Variants in CROCC observed in about 807,000 individuals in gnomAD.
CROCC encodes the protein ciliary rootlet coiled-coil, rootletin.
CROCC carries 180 observed loss-of-function variants against 245.2 expected under a neutral mutation model. The observed-to-expected ratio is 0.73, with a 90% confidence interval of 0.65 to 0.83. CROCC has a LOEUF of 0.83. Ranked by LOEUF, CROCC falls within the 40% of genes least tolerant of loss-of-function variation. The probability of loss-of-function intolerance (pLI) is 0.00; values close to 1 mark genes in which losing one functional copy is unlikely to be tolerated. For synonymous variants in CROCC, 1,205 were observed against 1,241.6 expected (o/e 0.97, Z 0.62); for missense variants, 2,688 against 2,779.4 (o/e 0.97, Z 0.74).
chr1:16,943,740 G>C (rs569585931), intron 13 of CROCC, among the ~76,000 whole-genome samples: 3 of 152,264 alleles, frequency 2.0e-5, no homozygotes, highest in Admixed American at 2.0e-4. Flanking sequence ...GAATTGAGGG[G>C]CATGGGGTGT....
rs542063549 is a variant in CROCC at position 16,955,400 on chromosome 1, G to A, written c.3554G>A (p.Arg1185His). 26 of 1,604,476 alleles carry A rather than the reference G, an allele frequency of 1.6e-5. No homozygotes were observed. The highest frequency in any genetic ancestry group is 1.3e-4 in the Admixed American group (8 of 59,676). ...RELLEAQRKL[R>H]ESQEGREVQR... Reference sequence around the variant, plus strand: ...CTGCTGGAGGCCCAGCGCAAGCTGCGTGAGAGCCAGGAGGGCCGGGAGGTG... The same window carrying A: ...CTGCTGGAGGCCCAGCGCAAGCTGCATGAGAGCCAGGAGGGCCGGGAGGTG... Residue 1185 changes from arginine (R) to histidine (H), a missense_variant, in exon 24 of 37, where the codon CGT (arginine) becomes CAT (histidine). By Grantham distance (29) the Arg-to-His change is conservative (BLOSUM62 0). Around this residue, in one of 9 missense-constraint regions of CROCC, gnomAD observed 1,218 missense variants for 1,286.3 expected, o/e 0.95. Coordinates refer to ENST00000375541, the MANE Select transcript of CROCC (RefSeq NM_014675.5).
Position 16,972,369 on chromosome 1 carries a change from C to T in CROCC, c.5977C>T (p.Leu1993=), listed in dbSNP as rs750379596. The part of the protein sequence containing the change: ...VRGLEEQVST[L]KGQLQQELRR... The stretch of plus-strand genomic sequence containing the variant: ...TCCCTTTCTTCCCCAGGTGTCCACA[C>T]TGAAGGGCCAGCTGCAGCAGGAGCT... The change falls in exon 37 of 37, where the codon CTG becomes TTG. Residue 1993 remains leucine, a synonymous_variant. Transcript: ENST00000375541. 5.0e-6 allele frequency: 8 copies of T among 1,614,038 alleles called. No homozygotes were observed. Among genetic ancestry groups the T allele is most frequent in the Non-Finnish European group, 2.5e-6 (3 of 1,179,920 alleles).
At chr1:16,916,297 T>A (rs1437299372) in intron 1 of CROCC, among the ~76,000 whole-genome samples, 1 of 152,018 alleles carries the variant, frequency 6.6e-6, no homozygotes, top group Non-Finnish European at 1.5e-5. Flanking sequence ...TCATTTTAGG[T>A]GTGGTAAGGG....
chr1:16,964,740 G>GCGGTT (rs919499770), intron 27 of CROCC, among the ~76,000 whole-genome samples: 165 of 152,238 alleles, frequency 1.1e-3, no homozygotes, highest in African/African-American at 3.9e-3. Context: ...CTGGAGTGCA[G>GCGGTT]CGGTTCGATT....
rs1570712589 is a variant in CROCC, at chr1:16,966,257, A to C, written c.4696+138A>C. On this transcript the variant is annotated intron_variant, in intron 29 of 36. Transcript: ENST00000375541. The surrounding 1 kb of genome is among the most constrained non-coding windows in gnomAD (Gnocchi z 4.8). Reference sequence around the variant, plus strand: ...CTGTCTCCAAGAGGACCCTCCTTGGACAGCCTCACCTGTGTGCAGGCCCGC... The same window carrying C: ...CTGTCTCCAAGAGGACCCTCCTTGGCCAGCCTCACCTGTGTGCAGGCCCGC... 6.9e-7 allele frequency: 1 copy of C among 1,445,306 alleles called. No individual in the cohort carries two copies. The highest frequency in any genetic ancestry group is 2.5e-5 in the East Asian group (1 of 40,290). The allele number at this position is 1,445,306 out of a possible 1,614,324, so 89.5% of individuals were successfully genotyped here.
intron 7 of CROCC, 79 bp from the exon 8 acceptor site, chr1:16,931,212 G>T: frequency 5.5e-6 from 7 of 1,267,004 alleles, no homozygotes; most frequent in Non-Finnish European, 8.0e-6. Context: ...CTCCCAGGAT[G>T]GTCGGAGATG....
intron 30 of CROCC, 62 bp from the exon 31 acceptor site, chr1:16,968,141 C>T (rs942890863): frequency 2.1e-5 from 31 of 1,491,628 alleles, no homozygotes; most frequent in South Asian, 9.7e-5. Context: ...GGCCCCAGGG[C>T]GTGTGCGGGA....
At chr1:16,914,148 G>C (rs1221535831) in intron 1 of CROCC, among the ~76,000 whole-genome samples, 1 of 151,274 alleles carries the variant, frequency 6.6e-6, no homozygotes, top group Non-Finnish European at 1.5e-5. Flanking sequence ...GTAGGTGGCC[G>C]GGGGCGCGCG....
chr1:16,942,449 C>T (rs1395440447), intron 13 of CROCC, among the ~76,000 whole-genome samples: 1 of 152,298 alleles, frequency 6.6e-6, no homozygotes, highest in Non-Finnish European at 1.5e-5. Flanking sequence ...CTCACAGCCT[C>T]ATCTGCCCAT....
chr1:16,955,204 T>C, intron 23 of CROCC, 108 bp from the exon 24 acceptor site: 2 of 1,067,810 alleles, frequency 1.9e-6, no homozygotes, highest in South Asian at 2.8e-5. Flanking sequence ...GTCTGAGCAC[T>C]GCAGAGGGAT....
chr1:16,972,698 G>T lies in CROCC; in HGVS notation c.*252G>T, dbSNP rs941444121. 5.8e-6 allele frequency: 2 copies of T among 344,302 alleles called. No homozygotes were observed. The highest frequency in any genetic ancestry group is 6.5e-5 in the East Asian group (1 of 15,454). 21.3% of individuals were successfully genotyped at this position (344,302 alleles called of 1,614,324 possible). A position where few individuals can be genotyped will look rare whatever the true frequency, so the allele number is the denominator to read the frequency against. On this transcript the variant is annotated 3_prime_UTR_variant, in exon 37 of 37. Transcript: ENST00000375541. ...AGATCATTAAAGTTCCTCCTTGAGA[G>T]GCTGAGCCGTAGCCAGGATTGGGGA...
rs2075765558 is a variant in CROCC, at chr1:16,935,370, G to T, written c.957-1267G>T. 2.6e-5 allele frequency among the ~76,000 whole-genome samples: 4 copies of T among 152,232 alleles called. No homozygotes were observed. The South Asian group carries it at 8.3e-4, about 32-fold the overall frequency. ...TTCCCTAACCTACTAGTTATAACTG[G>T]GAGGTGGCTCTGTGTCAGGCCAGGA... On this transcript the variant is annotated intron_variant, in intron 8 of 36. Coordinates refer to ENST00000375541, the MANE Select transcript of CROCC (RefSeq NM_014675.5).
chr1:16,934,892 C>A, intron 8 of CROCC, among the ~76,000 whole-genome samples: 1 of 128,482 alleles, frequency 7.8e-6, no homozygotes, highest in East Asian at 2.2e-4. Flanking sequence ...TCAGCAGTTT[C>A]TTTTTTTTTT....
intron 20 of CROCC, chr1:16,951,882 C>CT (rs35956886): frequency 0.053 from 8,337 of 156,870 alleles, 220 homozygotes; most frequent in African/African-American, 0.082. Flanking sequence ...CGGTAAAGCT[C>CT]TTTTTTTTTT....
chr1:16,938,284 T>C (rs1342797451), intron 10 of CROCC, 116 bp from the exon 11 acceptor site: 45 of 971,720 alleles, frequency 4.6e-5, no homozygotes, highest in Non-Finnish European at 9.3e-6. Flanking sequence ...GTGGCTGGCC[T>C]ATGGACATGG....
At chr1:16,936,569 C>A in intron 8 of CROCC, 68 bp from the exon 9 acceptor site, 2 of 1,446,044 alleles carry the variant, frequency 1.4e-6, no homozygotes, top group South Asian at 1.4e-5. Context: ...ACGCCCTGCC[C>A]AAGCATAGTT....
intron 17 of CROCC, 120 bp from the exon 18 acceptor site, chr1:16,948,211 G>C (rs2076091417): frequency 7.0e-7 from 1 of 1,431,602 alleles, no homozygotes; most frequent in Non-Finnish European, 9.1e-7. Flanking sequence ...CATCAGGGCA[G>C]ACCCTGGGCT....
chr1:16,922,193 G>T (rs1478207341), intron 1 of CROCC, 115 bp downstream of exon 1: 7 of 1,146,310 alleles, frequency 6.1e-6, no homozygotes, highest in Non-Finnish European at 8.5e-6. Flanking sequence ...TGTGGTGGTG[G>T]TGGGGTATAC....
chr1:16,949,774 G>T (rs2076127498), intron 19 of CROCC, among the ~76,000 whole-genome samples: 1 of 152,128 alleles, frequency 6.6e-6, no homozygotes, highest in Non-Finnish European at 1.5e-5. Context: ...GTTGTTTTTT[G>T]TTTGTTTGTT....
Sources: allele counts gnomAD v4.1 joint callset (sites outside exome capture counted in the v4.1 genomes callset), GRCh38; gene constraint gnomAD v4.1.1; regional missense constraint gnomAD v4.1.1; non-coding constraint Gnocchi (gnomAD v3.1); transcripts MANE v1.5; gene names NCBI Gene and HGNC (gene_info 2026-07-23, HGNC 2026-07-21).